TMEM266: variants seen among roughly 807,000 people sequenced by gnomAD.
TMEM266 encodes transmembrane protein 266, also known as Hv1 related protein 1.
In TMEM266, 33 loss-of-function variants were observed where a neutral mutation model predicts 50.5. That is an observed-to-expected ratio of 0.65 (90% CI 0.50 to 0.87). The LOEUF (loss-of-function observed/expected upper bound fraction) is 0.87. Ranked by LOEUF, TMEM266 falls within the 40% of genes least tolerant of loss-of-function variation. TMEM266 has a pLI of 0.00. For synonymous variants in TMEM266, 310 were observed against 292.3 expected (o/e 1.06, Z -0.62); for missense variants, 655 against 695.1 (o/e 0.94, Z 0.65).
chr15:76,129,896 G>A (rs572870699), intron 1 of TMEM266, among the ~76,000 whole-genome samples: 22 of 152,130 alleles, frequency 1.4e-4, no homozygotes, highest in Non-Finnish European at 2.9e-4. Context: ...ACAAATGGGG[G>A]AAATGTAAAC....
chr15:76,077,781 C>G (rs1401208543), intron 1 of TMEM266, among the ~76,000 whole-genome samples: 1 of 152,020 alleles, frequency 6.6e-6, no homozygotes, highest in Non-Finnish European at 1.5e-5. Context: ...TAGGCCCTCA[C>G]GACACCTTGA....
At chr15:76,193,659 C>T (rs2038614859) in intron 9 of TMEM266, among the ~76,000 whole-genome samples, 1 of 152,174 alleles carries the variant, frequency 6.6e-6, no homozygotes, top group Non-Finnish European at 1.5e-5. Flanking sequence ...GCTCGCCCTC[C>T]TCTAAGTGCT....
At chr15:76,186,072 T>C (rs957243654) in intron 8 of TMEM266, among the ~76,000 whole-genome samples, 71 of 152,276 alleles carry the variant, frequency 4.7e-4, no homozygotes, top group African/African-American at 1.6e-3. Flanking sequence ...CTGGATTCTG[T>C]TGGGCTGAGT....
chr15:76,142,755 C>A (rs1003744398), intron 3 of TMEM266, among the ~76,000 whole-genome samples: 1 of 152,164 alleles, frequency 6.6e-6, no homozygotes. Context: ...GCCTAGAAGC[C>A]CTTTGTCCTC....
chr15:76,076,954 TTTGTTG>T (rs778630527), intron 1 of TMEM266, among the ~76,000 whole-genome samples: 1 of 151,724 alleles, frequency 6.6e-6, no homozygotes, highest in East Asian at 1.9e-4. Context: ...TTTTTGTTTG[TTTGTTG>T]TTGTTGTTGT....
intron 1 of TMEM266, among the ~76,000 whole-genome samples, chr15:76,084,267 T>G (rs11072571): frequency 0.17 from 25,481 of 151,948 alleles, 2,616 homozygotes; most frequent in Non-Finnish European, 0.24. Flanking sequence ...TGAGCTGAGA[T>G]TGCACCACTG....
chr15:76,093,736 TA>T (rs148922992), intron 1 of TMEM266, among the ~76,000 whole-genome samples: 34,542 of 151,864 alleles, frequency 0.23, 4,518 homozygotes, highest in Non-Finnish European at 0.27. Flanking sequence ...ACCAACAGTG[TA>T]AAAAGCATTC....
intron 3 of TMEM266, among the ~76,000 whole-genome samples, chr15:76,144,534 A>G (rs1428873840): frequency 6.6e-6 from 1 of 152,210 alleles, no homozygotes; most frequent in African/African-American, 2.4e-5. Context: ...AGAGTGAGGA[A>G]GGAAAGCTAC....
intron 1 of TMEM266, among the ~76,000 whole-genome samples, chr15:76,116,995 G>A (rs999058245): frequency 6.6e-6 from 1 of 151,348 alleles, no homozygotes; most frequent in African/African-American, 2.4e-5. Flanking sequence ...CACCTCCCGG[G>A]TTCCAGCGAT....
intron 8 of TMEM266, chr15:76,181,473 C>T (rs1017650652): frequency 6.6e-6 from 1 of 152,258 alleles, no homozygotes; most frequent in Non-Finnish European, 1.5e-5. Context: ...TTCCAGACTC[C>T]CCGCTGCTGT....
At chr15:76,195,525 T>G (rs1006400086) in intron 9 of TMEM266, among the ~76,000 whole-genome samples, 10 of 152,232 alleles carry the variant, frequency 6.6e-5, no homozygotes, top group Admixed American at 5.9e-4. Flanking sequence ...TTTTGCCCAC[T>G]TCGCCTGGCT....
Position 76,204,092 on chromosome 15 carries a change from T to C in TMEM266, c.1373T>C (p.Leu458Ser), listed in dbSNP as rs755505555. ...GACCCCTGCCCTTCCCAGAAGGCCT[T>C]GGACCCAGCCCCCCTCGCCCGGCCC... The change falls in exon 11 of 11, where the codon TTG becomes TCG. Residue 458 changes from leucine (L) to serine (S), a missense_variant. By Grantham distance (145) the Leu-to-Ser change is moderately radical (BLOSUM62 -2). Transcript: ENST00000388942. The C allele has an allele frequency of 5.6e-6, 9 of 1,612,604 alleles. No homozygotes were observed. The Admixed American group carries it at 1.0e-4, about 18-fold the overall frequency.
At chr15:76,078,683 G>C (rs2141989162) in intron 1 of TMEM266, among the ~76,000 whole-genome samples, 1 of 152,282 alleles carries the variant, frequency 6.6e-6, no homozygotes, top group Admixed American at 6.5e-5. Flanking sequence ...TTACATATGA[G>C]GGTGAACCGA....
intron 1 of TMEM266, among the ~76,000 whole-genome samples, chr15:76,120,154 A>G (rs1375186553): frequency 6.6e-6 from 1 of 152,130 alleles, no homozygotes; most frequent in African/African-American, 2.4e-5. Context: ...AAATGAAAAT[A>G]CCAGTATATA....
chr15:76,078,402 T>C (rs1309786839), intron 1 of TMEM266, among the ~76,000 whole-genome samples: 1 of 152,216 alleles, frequency 6.6e-6, no homozygotes, highest in Non-Finnish European at 1.5e-5. Context: ...GCTTGATTTT[T>C]ATTTCTTGTG....
intron 1 of TMEM266, among the ~76,000 whole-genome samples, chr15:76,111,240 C>G (rs1372249048): frequency 6.6e-6 from 1 of 152,082 alleles, no homozygotes; most frequent in African/African-American, 2.4e-5. Flanking sequence ...GCCACAATGC[C>G]CAGCTAATTT....
chr15:76,201,288 T>TA (rs761230295), intron 9 of TMEM266, among the ~76,000 whole-genome samples: 1 of 152,140 alleles, frequency 6.6e-6, no homozygotes, highest in Non-Finnish European at 1.5e-5. Context: ...AGGATGGCTT[T>TA]TGGGGTCTTC....
intron 2 of TMEM266, 46 bp downstream of exon 2, chr15:76,134,347 T>A: frequency 6.3e-7 from 1 of 1,582,788 alleles, no homozygotes; most frequent in Non-Finnish European, 8.7e-7. Context: ...ACTGTGGCTA[T>A]AAATCTCCCA....
intron 5 of TMEM266, among the ~76,000 whole-genome samples, chr15:76,167,143 T>C (rs1232618897): frequency 6.6e-6 from 1 of 152,078 alleles, no homozygotes; most frequent in African/African-American, 2.4e-5. Context: ...TAAGTTTCAA[T>C]CTCAGCACAA....
Sources: allele counts gnomAD v4.1 joint callset (sites outside exome capture counted in the v4.1 genomes callset), GRCh38; gene constraint gnomAD v4.1.1; transcripts MANE v1.5; gene names NCBI Gene and HGNC (gene_info 2026-07-23, HGNC 2026-07-21).